THAP12: variants seen among roughly 807,000 people sequenced by gnomAD.
The protein encoded by THAP12 is 52 kDa repressor of the inhibitor of the protein kinase.
A neutral mutation model predicts 63.0 loss-of-function variants in THAP12; 20 were observed. The observed-to-expected ratio is 0.32, with a 90% CI of 0.22 to 0.46. The LOEUF (loss-of-function observed/expected upper bound fraction) is 0.46, where lower values mean the gene tolerates loss of function less well. THAP12 is among the 20% of genes least tolerant of loss of function. The pLI is 1.00. For synonymous variants in THAP12, 264 were observed against 328.4 expected (o/e 0.80, Z 2.12); for missense variants, 568 against 908.2 (o/e 0.63, Z 4.81).
rs1390387278 is a variant in THAP12, at chr11:76,351,513, A to T, written c.1637T>A (p.Leu546His). Residue 546 changes from leucine (L) to histidine (H), a missense_variant, in exon 5 of 5, where the codon CTT becomes CAT. Physicochemically the swap from Leu to His is moderately conservative, Grantham distance 99. Coordinates refer to ENST00000260045, the MANE Select transcript of THAP12 (RefSeq NM_004705.4). ...FEEATNLATK[L>H]DIQMKLPGKF... The stretch of plus-strand genomic sequence containing the variant: ...CCCAGGGAGTTTCATTTGAATATCA[A>T]GTTTGGTTGCCAAATTTGTGGCTTC... 1 of 1,554,100 alleles carries T rather than the reference A, an allele frequency of 6.4e-7. No individual in the cohort carries two copies. The highest frequency in any genetic ancestry group is 8.7e-7 in the Non-Finnish European group (1 of 1,151,236).
chr11:76,354,258 C>T (rs1261547342), intron 4 of THAP12, among the ~76,000 whole-genome samples: 2 of 151,970 alleles, frequency 1.3e-5, no homozygotes, highest in African/African-American at 4.8e-5. Flanking sequence ...CAGGGAGCAT[C>T]CTTCCTTCAC....
chr11:76,355,802 T>C (rs1324267234), intron 3 of THAP12, 148 bp from the exon 4 acceptor site: 12 of 554,576 alleles, frequency 2.2e-5, no homozygotes, highest in Middle Eastern at 4.3e-4. Flanking sequence ...GTACACATTC[T>C]TCAAACAAAC....
chr11:76,376,626 T>G (rs1458463128), intron 1 of THAP12, among the ~76,000 whole-genome samples: 1 of 107,040 alleles, frequency 9.3e-6, no homozygotes, highest in East Asian at 2.6e-4. Flanking sequence ...TTTTTTTTGT[T>G]TTTTTTTTTT....
chr11:76,360,616 G>C (rs1946591877), intron 3 of THAP12, among the ~76,000 whole-genome samples: 1 of 151,940 alleles, frequency 6.6e-6, no homozygotes. Flanking sequence ...CCTTTGTGCT[G>C]AACTCTGGAA....
rs1337082681 is a variant in THAP12, at chr11:76,355,513, ATTCTC to A, written c.355+100_355+104del. Reference sequence around the variant, plus strand: ...CAAAATTGAGCACACTCCTACATTCATTCTCAAGGTAGGTTTTCAACACAGAACAT... The same window carrying A: ...CAAAATTGAGCACACTCCTACATTCAAAGGTAGGTTTTCAACACAGAACAT... On this transcript the variant is annotated intron_variant, in intron 4 of 4. Coordinates refer to ENST00000260045, the MANE Select transcript of THAP12 (RefSeq NM_004705.4). 4.8e-6 allele frequency: 5 copies of A among 1,052,304 alleles called. No individual in the cohort carries two copies. The African/African-American group carries it at 6.5e-5, about 14-fold the overall frequency. The allele number at this position is 1,052,304 out of a possible 1,614,324, so 65.2% of individuals were successfully genotyped here.
At chr11:76,372,688 C>T (rs1360446856) in intron 1 of THAP12, among the ~76,000 whole-genome samples, 1 of 151,744 alleles carries the variant, frequency 6.6e-6, no homozygotes, top group East Asian at 1.9e-4. Flanking sequence ...GAGTTCAAGA[C>T]CAGCCTGGAC....
At chr11:76,379,616 G>A (rs1172393265) in intron 1 of THAP12, among the ~76,000 whole-genome samples, 1 of 152,132 alleles carries the variant, frequency 6.6e-6, no homozygotes. Context: ...CCTTCTTAGT[G>A]AGGCCTTCTC....
chr11:76,360,584 T>C (rs924138856), intron 3 of THAP12, among the ~76,000 whole-genome samples: 12 of 152,228 alleles, frequency 7.9e-5, no homozygotes, highest in Admixed American at 3.3e-4. Context: ...GTCTCCACTT[T>C]TACACTTTCC....
At chr11:76,379,403 A>G (rs577906416) in intron 1 of THAP12, among the ~76,000 whole-genome samples, 20 of 152,328 alleles carry the variant, frequency 1.3e-4, no homozygotes, top group African/African-American at 4.1e-4. Flanking sequence ...ACTCATAATA[A>G]AAACCATAGT....
At chr11:76,368,079 T>A (rs1212423096) in intron 1 of THAP12, among the ~76,000 whole-genome samples, 2 of 152,214 alleles carry the variant, frequency 1.3e-5, no homozygotes, top group African/African-American at 4.8e-5. Context: ...GTTTGTTTTT[T>A]AAATTCTTAA....
chr11:76,351,804 T>C lies in THAP12; in HGVS notation c.1346A>G (p.Asp449Gly), dbSNP rs766681745. The change falls in exon 5 of 5, where the codon GAT becomes GGT. Residue 449 changes from aspartate to glycine, a missense_variant. Asp to Gly is a moderately conservative substitution (Grantham distance 94). Transcript: ENST00000260045. ...ELLQALVLCLDGINSDTNIRW... is the reference protein window; with the variant it reads ...ELLQALVLCLGGINSDTNIRW... ...AATATTTGTGTCACTATTTATACCA[T>C]CTAAACATAAAACAAGTGCTTGCAG... 9.9e-6 allele frequency: 16 copies of C among 1,609,702 alleles called. No individual in the cohort carries two copies. The highest frequency in any genetic ancestry group is 1.7e-5 in the Admixed American group (1 of 59,272).
At chr11:76,374,439 T>G (rs1946695091) in intron 1 of THAP12, among the ~76,000 whole-genome samples, 1 of 151,800 alleles carries the variant, frequency 6.6e-6, no homozygotes, top group Non-Finnish European at 1.5e-5. Context: ...AGAAAAGTCT[T>G]TAAGTATTAG....
intron 3 of THAP12, among the ~76,000 whole-genome samples, chr11:76,360,668 C>T (rs1946592248): frequency 6.6e-6 from 1 of 152,098 alleles, no homozygotes; most frequent in African/African-American, 2.4e-5. Context: ...GAAAAGGTAG[C>T]TTTTTCCTTC....
intron 4 of THAP12, among the ~76,000 whole-genome samples, chr11:76,354,599 C>T (rs1946547810): frequency 6.6e-6 from 1 of 152,190 alleles, no homozygotes; most frequent in African/African-American, 2.4e-5. Context: ...CTACCATTGC[C>T]TTAATTCAAG....
chr11:76,365,424 G>A (rs980532132), intron 2 of THAP12, among the ~76,000 whole-genome samples: 1 of 151,528 alleles, frequency 6.6e-6, no homozygotes, highest in Non-Finnish European at 1.5e-5. Context: ...TCACTCTGTC[G>A]CCCAGAGTGG....
intron 1 of THAP12, among the ~76,000 whole-genome samples, chr11:76,367,323 G>A (rs1320736744): frequency 2.0e-5 from 3 of 151,978 alleles, no homozygotes; most frequent in South Asian, 2.1e-4. Context: ...TGATCTGCCC[G>A]CCTCGGCCTC....
At chr11:76,357,338 G>C (rs1053267958) in intron 3 of THAP12, 1 of 152,116 alleles carries the variant, frequency 6.6e-6, no homozygotes, top group Admixed American at 6.5e-5. Flanking sequence ...TAATGTAAGT[G>C]TCAGTATTCA....
chr11:76,380,745 T>C lies in THAP12; in HGVS notation c.89+3A>G, dbSNP rs1946751147. The stretch of plus-strand genomic sequence containing the variant: ...GGCCGCCCGCTCTGCGCCCGCCGCT[T>C]ACCTGGCAGGGTCCCGCGGGAACCT... On this transcript the variant is annotated splice_donor_region_variant and intron_variant, in intron 1 of 4. Transcript: ENST00000260045. 2.8e-6 allele frequency: 4 copies of C among 1,440,714 alleles called. No individual in the cohort carries two copies. The highest frequency in any genetic ancestry group is 3.7e-6 in the Non-Finnish European group (4 of 1,088,572). The allele number at this position is 1,440,714 out of a possible 1,614,324, so 89.2% of individuals were successfully genotyped here.
chr11:76,354,809 C>A (rs1946549156), intron 4 of THAP12, among the ~76,000 whole-genome samples: 1 of 152,136 alleles, frequency 6.6e-6, no homozygotes. Context: ...CCTCTCTAGG[C>A]TATTTTCTAA....
Sources: gnomAD v4.1 joint callset for allele counts (sites outside exome capture counted in the v4.1 genomes callset) on GRCh38, gnomAD v4.1.1 for gene constraint, MANE v1.5 for transcripts, NCBI Gene and HGNC (gene_info 2026-07-23, HGNC 2026-07-21) for gene names.